Variants in UBE3C observed in about 807,000 individuals in gnomAD.
UBE3C encodes ubiquitin-protein ligase E3C.
A neutral mutation model predicts 129.4 loss-of-function variants in UBE3C; 42 were observed. The observed-to-expected ratio is 0.32, with a 90% CI of 0.25 to 0.42. UBE3C has a LOEUF of 0.42. UBE3C is among the 10% of genes least tolerant of loss of function. The pLI, the probability that UBE3C is intolerant of heterozygous loss-of-function variation, is 1.00. For missense variants in UBE3C, 1,049 were observed against 1,319.1 expected (o/e 0.80, Z 3.17); for synonymous variants, 510 against 492.4 (o/e 1.04, Z -0.47).
chr7:157,201,841 A>G, intron 11 of UBE3C, 34 bp downstream of exon 11: 2 of 1,555,732 alleles, frequency 1.3e-6, no homozygotes, highest in Non-Finnish European at 1.8e-6. Context: ...ATTGAGCTCA[A>G]GGGCACAGGA....
chr7:157,156,281 A>G (rs1229952470), intron 1 of UBE3C, among the ~76,000 whole-genome samples: 2 of 122,536 alleles, frequency 1.6e-5, no homozygotes, highest in Admixed American at 8.7e-5. Context: ...TTTCACCTCC[A>G]CTCCTCACAC....
intron 2 of UBE3C, among the ~76,000 whole-genome samples, chr7:157,164,851 G>C (rs1002015117): frequency 6.6e-6 from 1 of 152,198 alleles, no homozygotes; most frequent in Non-Finnish European, 1.5e-5. Flanking sequence ...AGAGTAATGT[G>C]ATTACAGCTG....
At chr7:157,218,988 C>A (rs1335113961) in intron 14 of UBE3C, among the ~76,000 whole-genome samples, 1 of 152,190 alleles carries the variant, frequency 6.6e-6, no homozygotes, top group Non-Finnish European at 1.5e-5. Flanking sequence ...CATTTATAAA[C>A]TGTACCTCAG....
At chr7:157,262,795 T>C (rs997850213) in intron 22 of UBE3C, among the ~76,000 whole-genome samples, 11 of 152,228 alleles carry the variant, frequency 7.2e-5, no homozygotes, top group Admixed American at 7.2e-4. Context: ...ACTCAACATA[T>C]AATTGAAACA....
intron 5 of UBE3C, among the ~76,000 whole-genome samples, chr7:157,177,189 A>G (rs1808540666): frequency 6.6e-6 from 1 of 152,270 alleles, no homozygotes; most frequent in Admixed American, 6.5e-5. Context: ...AAACCCAGCC[A>G]TTCTGATGGG....
At chr7:157,139,666 G>A (rs1807375296) in intron 1 of UBE3C, among the ~76,000 whole-genome samples, 1 of 152,258 alleles carries the variant, frequency 6.6e-6, no homozygotes, top group Admixed American at 6.5e-5. Context: ...CGCGCTGGCC[G>A]TGGCTCCCTT....
rs1584806162 is a variant in UBE3C, at chr7:157,231,226, A to G, written c.2380A>G (p.Thr794Ala). Residue 794 changes from threonine to alanine, a missense_variant, in exon 18 of 23, where the codon ACT (threonine) becomes GCT (alanine). By Grantham distance (58) the Thr-to-Ala change is moderately conservative. This residue lies in a region of UBE3C where 243 missense variants were observed against 368.7 expected (regional missense o/e 0.66). Transcript: ENST00000348165. ...GFNPNQGFFK[T>A]TNEGLLYPNP... is the part of the protein sequence containing the mutation. ...TAACCCCAACCAGGGGTTCTTTAAGACTACTAATGAAGGGCTTCTGTACCC... is the reference window on the plus strand; with the variant it reads ...TAACCCCAACCAGGGGTTCTTTAAGGCTACTAATGAAGGGCTTCTGTACCC... The G allele has an allele frequency of 3.1e-6, 5 of 1,614,116 alleles. No individual in the cohort carries two copies. Among genetic ancestry groups the G allele is most frequent in the Admixed American group, 1.7e-5 (1 of 60,016 alleles).
intron 1 of UBE3C, among the ~76,000 whole-genome samples, chr7:157,151,816 A>G (rs1586644940): frequency 6.6e-6 from 1 of 152,154 alleles, no homozygotes; most frequent in Admixed American, 6.5e-5. Context: ...CACCATGACA[A>G]CCGTGGAGCA....
chr7:157,177,757 G>T (rs1296903434), intron 5 of UBE3C, among the ~76,000 whole-genome samples: 1 of 152,154 alleles, frequency 6.6e-6, no homozygotes, highest in Non-Finnish European at 1.5e-5. Context: ...ACAGAAGGCA[G>T]CCTGCGGTAA....
At chr7:157,181,430 G>A (rs990908442) in intron 6 of UBE3C, 88 bp from the exon 7 acceptor site, 3 of 1,204,054 alleles carry the variant, frequency 2.5e-6, no homozygotes, top group African/African-American at 3.1e-5. Context: ...GACCTGTAGA[G>A]ATGGTTAAAA....
chr7:157,245,992 C>CAAAAAAAA (rs56270719), intron 18 of UBE3C, among the ~76,000 whole-genome samples: 3 of 85,606 alleles, frequency 3.5e-5, no homozygotes, highest in Non-Finnish European at 6.5e-5. Flanking sequence ...GACTCCGTCT[C>CAAAAAAAA]AAAAAAAAAA....
At chr7:157,228,289 C>T (rs1193090808) in intron 17 of UBE3C, among the ~76,000 whole-genome samples, 1 of 152,164 alleles carries the variant, frequency 6.6e-6, no homozygotes, top group Non-Finnish European at 1.5e-5. Flanking sequence ...ACAGGGATGC[C>T]CACGCACTCC....
At chr7:157,237,806 G>A (rs933753557) in intron 18 of UBE3C, among the ~76,000 whole-genome samples, 1 of 152,078 alleles carries the variant, frequency 6.6e-6, no homozygotes, top group African/African-American at 2.4e-5. Context: ...AGCACTTTGG[G>A]AGGCCGAGGT....
chr7:157,174,812 T>G, intron 4 of UBE3C, 107 bp from the exon 5 acceptor site: 1 of 722,238 alleles, frequency 1.4e-6, no homozygotes, highest in Non-Finnish European at 2.2e-6. Context: ...TTTGATTAGG[T>G]TTGATTAAAT....
At chr7:157,240,174 C>A (rs1796269743) in intron 18 of UBE3C, among the ~76,000 whole-genome samples, 1 of 152,142 alleles carries the variant, frequency 6.6e-6, no homozygotes, top group African/African-American at 2.4e-5. Flanking sequence ...CGTGCCTCAG[C>A]CTCCCAAGTA....
intron 1 of UBE3C, among the ~76,000 whole-genome samples, chr7:157,162,247 TG>T (rs1220577871): frequency 1.3e-5 from 2 of 151,994 alleles, no homozygotes; most frequent in Non-Finnish European, 2.9e-5. Flanking sequence ...CAGGCTGGAG[TG>T]CAGTGGCGTG....
intron 18 of UBE3C, among the ~76,000 whole-genome samples, chr7:157,232,069 T>A (rs554185283): frequency 3.9e-5 from 6 of 152,290 alleles, no homozygotes; most frequent in Non-Finnish European, 5.9e-5. Flanking sequence ...GCCCTTGACC[T>A]TTTTTGGCTT....
At position 157,256,910 on chromosome 7, in the gene UBE3C, A is replaced by G. The variant is rs1385723617; in HGVS notation, c.2951-4A>G. On this transcript the variant is annotated splice_region_variant and splice_polypyrimidine_tract_variant and intron_variant, in intron 21 of 22. Transcript: ENST00000348165. ...TCATAAAGCATGTGTTCATTTTGCC[A>G]TAGGAGGCTATTCTGCAGACCATCC... 6.2e-7 allele frequency: 1 copy of G among 1,614,014 alleles called. No individual in the cohort carries two copies. Among genetic ancestry groups the G allele is most frequent in the Non-Finnish European group, 8.5e-7 (1 of 1,179,956 alleles).
rs767067458 is a variant in UBE3C at position 157,225,443 on chromosome 7, G to A, written c.2137G>A (p.Val713Ile). The A allele has an allele frequency of 6.2e-7, 1 of 1,607,362 alleles. No homozygotes were observed. Among genetic ancestry groups the A allele is most frequent in the East Asian group, 2.2e-5 (1 of 44,720 alleles). Residue 713 changes from valine to isoleucine, a missense_variant, in exon 17 of 23, where the codon GTT becomes ATT. This residue lies in a region of UBE3C where 314 missense variants were observed against 416.9 expected (regional missense o/e 0.75). Transcript: ENST00000348165. Reference sequence around the variant, plus strand: ...GTTGATTTATGCAGATAAGCAAGAAGTTCAAGGAGATGGTCCATTTCTGGA... The same window carrying A: ...GTTGATTTATGCAGATAAGCAAGAAATTCAAGGAGATGGTCCATTTCTGGA... Reference protein sequence around the residue: ...QRLIYADKQEVQGDGPFLDGI... With the variant: ...QRLIYADKQEIQGDGPFLDGI...
Sources: gnomAD v4.1 joint callset for allele counts (sites outside exome capture counted in the v4.1 genomes callset) on GRCh38, gnomAD v4.1.1 for gene constraint, gnomAD v4.1.1 regional missense constraint, MANE v1.5 for transcripts, NCBI Gene and HGNC (gene_info 2026-07-23, HGNC 2026-07-21) for gene names.